The following MOB3A variants were observed in gnomAD, a reference collection of about 807,000 sequenced individuals.
MOB3A encodes the protein MOB kinase activator 3A, also known as MOB LAK.
A neutral mutation model predicts 17.8 loss-of-function variants in MOB3A; 17 were observed. The ratio of observed to expected loss-of-function variants is 0.95; its 90% CI spans 0.65 to 1.43. The LOEUF is 1.43. MOB3A is among the 40% of genes most tolerant of loss of function. MOB3A has a pLI of 0.00. For missense variants in MOB3A, 333 were observed against 310.8 expected, an observed-to-expected ratio of 1.07 and a Z score of -0.54; for synonymous variants, 124 against 133.2, an observed-to-expected ratio of 0.93 and a Z score of 0.48.
intron 2 of MOB3A, 124 bp downstream of exon 2, chr19:2,085,051 A>C (rs1316865650): frequency 1.3e-5 from 2 of 152,146 alleles, no homozygotes; most frequent in Admixed American, 1.3e-4. Flanking sequence ...ATCAGGAACA[A>C]ACACAGGCTC....
At chr19:2,081,950 G>A (rs1234126575) in intron 2 of MOB3A, among the ~76,000 whole-genome samples, 1 of 152,192 alleles carries the variant, frequency 6.6e-6, no homozygotes, top group East Asian at 1.9e-4. Context: ...TGCACCATAA[G>A]AAGGTCCAGG....
chr19:2,077,705 G>T (rs984492208), intron 3 of MOB3A, among the ~76,000 whole-genome samples: 1 of 152,064 alleles, frequency 6.6e-6, no homozygotes, highest in Non-Finnish European at 1.5e-5. Flanking sequence ...GGGGTGAGGA[G>T]ACAGGAGTCA....
rs879546370 is a variant in MOB3A at position 2,076,922 on chromosome 19, A to C, written c.513T>G (p.Phe171Leu). 1 of 1,613,944 alleles carries C rather than the reference A, an allele frequency of 6.2e-7. No homozygotes were observed. Residue 171 changes from phenylalanine to leucine, a missense_variant, in exon 4 of 5, where the codon TTT becomes TTG. Transcript: ENST00000357066. ...RVFVHVYIHH[F>L]DRIAQMGSEA... ...CGGAGCCCATCTGCGCGATGCGGTC[A>C]AAGTGGTGGATGTAGACGTGCACGA...
In MOB3A at chr19:2,093,244, G is replaced by A. The variant is rs981923909; in HGVS notation, c.-274+2982C>T. 1.5e-4 allele frequency among the ~76,000 whole-genome samples: 23 copies of A among 151,916 alleles called. No homozygotes were observed. The highest frequency in any genetic ancestry group is 2.6e-4 in the Admixed American group (4 of 15,240). ...GTGATCTTGGCTCACTGCAAGCTCCGCCTCCCGGGTTCAAGTGATTCTCCT... is the reference window on the plus strand; with the variant it reads ...GTGATCTTGGCTCACTGCAAGCTCCACCTCCCGGGTTCAAGTGATTCTCCT... On this transcript the variant is annotated intron_variant, in intron 1 of 4. Coordinates refer to ENST00000357066, the MANE Select transcript of MOB3A (RefSeq NM_130807.3). The surrounding 1 kb of genome is among the most constrained non-coding windows in gnomAD (Gnocchi z 4.6).
In MOB3A at chr19:2,076,941, T is replaced by C. The variant is rs1261288224; in HGVS notation, c.494A>G (p.His165Arg). Residue 165 changes from histidine to arginine, a missense_variant, in exon 4 of 5, where the codon CAC becomes CGC. His to Arg is a conservative substitution (Grantham distance 29). Transcript: ENST00000357066. ...GCGGTCAAAGTGGTGGATGTAGACG[T>C]GCACGAACACGCGGAACAGCCGCGA... Reference protein sequence around the residue: ...ILSRLFRVFVHVYIHHFDRIA... With the variant: ...ILSRLFRVFVRVYIHHFDRIA... The C allele has an allele frequency of 1.9e-6, 3 of 1,613,892 alleles. No homozygotes were observed. The highest frequency in any genetic ancestry group is 1.3e-5 in the African/African-American group (1 of 74,936).
At chr19:2,088,212 C>T (rs2017575114) in intron 1 of MOB3A, among the ~76,000 whole-genome samples, 1 of 152,198 alleles carries the variant, frequency 6.6e-6, no homozygotes, top group Non-Finnish European at 1.5e-5. Context: ...ATACCCCACC[C>T]CAGAGACTAA....
intron 2 of MOB3A, among the ~76,000 whole-genome samples, chr19:2,083,559 G>A (rs911858163): frequency 6.6e-5 from 10 of 152,318 alleles, no homozygotes; most frequent in Admixed American, 1.3e-4. Flanking sequence ...TAGATGGGGC[G>A]AGTGCAGGCC....
At chr19:2,083,493 G>A (rs937210504) in intron 2 of MOB3A, among the ~76,000 whole-genome samples, 5 of 152,226 alleles carry the variant, frequency 3.3e-5, no homozygotes, top group African/African-American at 1.2e-4. Context: ...GCCTGGCACT[G>A]AGCGAGATGC....
chr19:2,079,840 G>A (rs921103326), intron 2 of MOB3A, among the ~76,000 whole-genome samples: 4 of 152,218 alleles, frequency 2.6e-5, no homozygotes, highest in African/African-American at 7.2e-5. Flanking sequence ...CCAAGGCACC[G>A]TATAAATGAG....
intron 2 of MOB3A, among the ~76,000 whole-genome samples, chr19:2,083,700 G>C (rs762578071): frequency 1.1e-4 from 16 of 152,196 alleles, no homozygotes; most frequent in Non-Finnish European, 2.2e-4. Context: ...AACTCCAACA[G>C]AAATCACAGC....
chr19:2,081,403 C>A (rs1456959530), intron 2 of MOB3A, among the ~76,000 whole-genome samples: 1 of 151,650 alleles, frequency 6.6e-6, no homozygotes, highest in Non-Finnish European at 1.5e-5. Context: ...GCCTGGCCAA[C>A]ATGGTGAAAC....
chr19:2,081,399 C>A (rs902306139), intron 2 of MOB3A, among the ~76,000 whole-genome samples: 4 of 151,010 alleles, frequency 2.6e-5, no homozygotes, highest in Non-Finnish European at 4.4e-5. Flanking sequence ...ATCAGCCTGG[C>A]CAACATGGTG....
chr19:2,072,082 G>C lies in MOB3A; in HGVS notation c.*1313C>G, dbSNP rs569278176. On this transcript the variant is annotated 3_prime_UTR_variant, in exon 5 of 5. Coordinates refer to ENST00000357066, the MANE Select transcript of MOB3A (RefSeq NM_130807.3). ...TAGTCCCAGCTGCTGGGGAGGCTGA[G>C]GCAGGAGAATGGCGTGAATCTGGGA... The C allele has an allele frequency of 3.3e-5, 5 of 152,380 alleles. No individual in the cohort carries two copies. The highest frequency in any genetic ancestry group is 1.2e-4 in the African/African-American group (5 of 41,550). The allele number at this position is 152,380 out of a possible 1,614,324, so 9.4% of individuals were successfully genotyped here.
Position 2,076,819 on chromosome 19 carries a change from CCAG to C in MOB3A, c.613_615del (p.Leu205del), listed in dbSNP as rs2017415536. On this transcript the variant is annotated inframe_deletion, in exon 4 of 5. Transcript: ENST00000357066. The stretch of plus-strand genomic sequence containing the variant: ...GCCCCAAGCCCGCGCACCAGTGGCT[CCAG>C]CTCCTTGGTGTCGATGAGGCCGAAC... 1 of 1,613,754 alleles carries C rather than the reference CCAG, an allele frequency of 6.2e-7. No homozygotes were observed. The highest frequency in any genetic ancestry group is 8.5e-7 in the Non-Finnish European group (1 of 1,179,980).
chr19:2,073,025 A>G lies in MOB3A; in HGVS notation c.*370T>C. 1 of 283,508 alleles carries G rather than the reference A, an allele frequency of 3.5e-6. No individual in the cohort carries two copies. The highest frequency in any genetic ancestry group is 6.1e-5 in the South Asian group (1 of 16,348). The allele number at this position is 283,508 out of a possible 1,614,324, so 17.6% of individuals were successfully genotyped here. Reference sequence around the variant, plus strand: ...GCCACAGCAGCCCTGGGGGCTCCCCAGCGAGGTGGAGGCAGAAGTTCCAGG... The same window carrying G: ...GCCACAGCAGCCCTGGGGGCTCCCCGGCGAGGTGGAGGCAGAAGTTCCAGG... On this transcript the variant is annotated 3_prime_UTR_variant, in exon 5 of 5. Transcript: ENST00000357066.
chr19:2,075,925 C>A (rs2017399108), intron 4 of MOB3A, among the ~76,000 whole-genome samples: 1 of 151,982 alleles, frequency 6.6e-6, no homozygotes, highest in Non-Finnish European at 1.5e-5. Flanking sequence ...GAGTTTGAGA[C>A]CAGCCTGGCC....
rs149521736 is a variant in MOB3A, at chr19:2,079,936, C to T, written c.-119-1257G>A. Among the ~76,000 whole-genome samples the T allele has an allele frequency of 7.9e-5, 12 of 152,310 alleles. No individual in the cohort carries two copies. In the East Asian group the frequency reaches 1.5e-3, roughly 20 times the overall value. ...CACGGGTTGCTCTGGGGTGGGGACC[C>T]GGCGTCCTCCTACTCCCCTGAGAAT... is the stretch of plus-strand genomic sequence containing the variant. On this transcript the variant is annotated intron_variant, in intron 2 of 4. Transcript: ENST00000357066.
At chr19:2,078,711 G>C in intron 2 of MOB3A, 32 bp from the exon 3 acceptor site, 2 of 722,392 alleles carry the variant, frequency 2.8e-6, no homozygotes, top group East Asian at 5.6e-5. Flanking sequence ...TGACCTGCTG[G>C]AGGCGACAGA....
intron 3 of MOB3A, 65 bp downstream of exon 3, chr19:2,078,075 T>C (rs573052015): frequency 6.8e-7 from 1 of 1,460,576 alleles, no homozygotes; most frequent in African/African-American, 1.4e-5. Context: ...TGAGCCACTG[T>C]GCTCGGCCTC....
Sources: gnomAD v4.1 joint callset for allele counts (sites outside exome capture counted in the v4.1 genomes callset) on GRCh38, gnomAD v4.1.1 for gene constraint, Gnocchi (gnomAD v3.1) non-coding constraint, MANE v1.5 for transcripts, NCBI Gene and HGNC (gene_info 2026-07-23, HGNC 2026-07-21) for gene names.